Variants in VAV3 observed in about 807,000 individuals in gnomAD.
VAV3 encodes vav guanine nucleotide exchange factor 3, also known as guanine nucleotide exchange factor VAV3.
VAV3 carries 94 observed loss-of-function variants against 131.2 expected under a neutral mutation model. The observed-to-expected ratio is 0.72, with a 90% CI of 0.61 to 0.85. The LOEUF (loss-of-function observed/expected upper bound fraction) is 0.85. VAV3 is among the 40% of genes least tolerant of loss of function. The probability of loss-of-function intolerance (pLI) is 0.00; values close to 1 mark genes in which losing one functional copy is unlikely to be tolerated. For missense variants in VAV3, 939 were observed against 1,002.7 expected, an observed-to-expected ratio of 0.94 and a Z score of 0.86; for synonymous variants, 349 against 342.0, an observed-to-expected ratio of 1.02 and a Z score of -0.22.
intron 19 of VAV3, among the ~76,000 whole-genome samples, chr1:107,680,128 ACT>A (rs1367176139): frequency 6.6e-6 from 1 of 152,006 alleles, no homozygotes; most frequent in Non-Finnish European, 1.5e-5. Flanking sequence ...CCTACAGTTC[ACT>A]CTTTCTTGGA....
At chr1:107,590,389 A>T (rs1367273792) in intron 25 of VAV3, among the ~76,000 whole-genome samples, 1 of 152,196 alleles carries the variant, frequency 6.6e-6, no homozygotes, top group Non-Finnish European at 1.5e-5. Context: ...ATTGAGAATG[A>T]CAAGCAAAGG....
chr1:107,697,901 C>T (rs1659846171), intron 17 of VAV3, among the ~76,000 whole-genome samples: 1 of 152,184 alleles, frequency 6.6e-6, no homozygotes, highest in Non-Finnish European at 1.5e-5. Context: ...GAAAGGCAAG[C>T]ACATGATTAC....
chr1:107,866,996 A>G lies in VAV3; in HGVS notation c.321+7905T>C, dbSNP rs561036492. ...AATTGTGTGATACCTAAATAGCATG[A>G]TATCTAAATACCTAATATCATGTGC... is the stretch of plus-strand genomic sequence containing the variant. On this transcript the variant is annotated intron_variant, in intron 2 of 26. Transcript: ENST00000370056. Among the ~76,000 whole-genome samples, 6 of 152,288 alleles carry G rather than the reference A, an allele frequency of 3.9e-5. 1 individual carries two copies. The highest frequency in any genetic ancestry group is 1.2e-4 in the African/African-American group (5 of 41,572).
chr1:107,944,940 G>C (rs1373206025), intron 1 of VAV3, among the ~76,000 whole-genome samples: 1 of 152,184 alleles, frequency 6.6e-6, no homozygotes, highest in Non-Finnish European at 1.5e-5. Context: ...GAAGTTAAGA[G>C]TGTAATATGA....
chr1:107,891,834 G>A (rs897626850), intron 1 of VAV3, among the ~76,000 whole-genome samples: 8 of 98,588 alleles, frequency 8.1e-5, no homozygotes, highest in Admixed American at 5.8e-4. Flanking sequence ...GCAAGACTCC[G>A]TCTCAAAAAA....
intron 19 of VAV3, among the ~76,000 whole-genome samples, chr1:107,667,584 G>A (rs1657501267): frequency 6.6e-6 from 1 of 151,990 alleles, no homozygotes; most frequent in Admixed American, 6.6e-5. Flanking sequence ...GATGGTTTAT[G>A]TTAGGATTAT....
chr1:107,757,864 CCT>C (rs1175225514), intron 10 of VAV3, among the ~76,000 whole-genome samples: 3 of 151,938 alleles, frequency 2.0e-5, no homozygotes, highest in Non-Finnish European at 4.4e-5. Context: ...TCTTTTTTCC[CCT>C]GATTTTACAT....
In VAV3 at chr1:107,592,980, A is replaced by T. The variant is rs139061647; in HGVS notation, c.2350+3232T>A. ...ATGGAGTCACTGAAGTTTCTAGAGG[A>T]AGCCCAAGAGCTCCCTGCTATGCCT... On this transcript the variant is annotated intron_variant, in intron 25 of 26. Transcript: ENST00000370056. 9.8e-4 allele frequency among the ~76,000 whole-genome samples: 149 copies of T among 152,226 alleles called. 2 individuals carry two copies. The East Asian group carries it at 0.026, about 27-fold the overall frequency.
chr1:107,901,330 G>A (rs1009116034), intron 1 of VAV3, among the ~76,000 whole-genome samples: 5 of 152,108 alleles, frequency 3.3e-5, no homozygotes, highest in Admixed American at 1.3e-4. Context: ...GACACTGCAG[G>A]ATATTTTAAA....
At chr1:107,922,090 G>C (rs1167174798) in intron 1 of VAV3, among the ~76,000 whole-genome samples, 1 of 152,146 alleles carries the variant, frequency 6.6e-6, no homozygotes, top group Admixed American at 6.5e-5. Context: ...TGTCAAAACT[G>C]TATTCAGGAA....
At chr1:107,657,624 CA>C in intron 19 of VAV3, among the ~76,000 whole-genome samples, 1 of 152,158 alleles carries the variant, frequency 6.6e-6, no homozygotes, top group South Asian at 2.1e-4. Context: ...TCTGATCTAG[CA>C]TGACACTACC....
At chr1:107,720,555 A>G (rs1661435233) in intron 15 of VAV3, among the ~76,000 whole-genome samples, 1 of 151,206 alleles carries the variant, frequency 6.6e-6, no homozygotes, top group Admixed American at 6.6e-5. Flanking sequence ...GCGCATGCCT[A>G]TAATCCCAGC....
chr1:107,773,128 C>T (rs1027449364), intron 4 of VAV3, among the ~76,000 whole-genome samples: 1 of 152,172 alleles, frequency 6.6e-6, no homozygotes, highest in Admixed American at 6.5e-5. Context: ...ATTCATCCAA[C>T]ATTAATGATC....
intron 19 of VAV3, chr1:107,669,227 A>G: frequency 8.4e-7 from 1 of 1,186,152 alleles, no homozygotes; most frequent in African/African-American, 1.6e-5. Context: ...GAATTAAAAC[A>G]TGAAGTAATC....
intron 2 of VAV3, among the ~76,000 whole-genome samples, chr1:107,835,783 T>TC (rs1668452109): frequency 6.6e-6 from 1 of 151,940 alleles, no homozygotes; most frequent in African/African-American, 2.4e-5. Flanking sequence ...TGCCCAAAGA[T>TC]CCCCCACCCT....
At chr1:107,822,796 AG>A (rs1667857014) in intron 2 of VAV3, among the ~76,000 whole-genome samples, 1 of 152,226 alleles carries the variant, frequency 6.6e-6, no homozygotes, top group Non-Finnish European at 1.5e-5. Flanking sequence ...GTAGCAAAAG[AG>A]GTTCATTCCT....
chr1:107,669,238 C>T (rs911555797), intron 19 of VAV3: 2 of 1,215,720 alleles, frequency 1.6e-6, no homozygotes, highest in Non-Finnish European at 2.1e-6. Flanking sequence ...TGAAGTAATC[C>T]TTACTAAGTG....
intron 7 of VAV3, among the ~76,000 whole-genome samples, chr1:107,766,855 C>T (rs1380316800): frequency 1.3e-5 from 2 of 151,818 alleles, no homozygotes; most frequent in East Asian, 1.9e-4. Context: ...GAGAAGGAGA[C>T]AGGCCATGCA....
chr1:107,809,143 A>T (rs1261671270), intron 2 of VAV3, among the ~76,000 whole-genome samples: 2 of 152,140 alleles, frequency 1.3e-5, no homozygotes, highest in African/African-American at 2.4e-5. Flanking sequence ...AGAGATTTTT[A>T]TGTTATTCTT....
Sources: gnomAD v4.1 joint callset for allele counts (sites outside exome capture counted in the v4.1 genomes callset) on GRCh38, gnomAD v4.1.1 for gene constraint, MANE v1.5 for transcripts, NCBI Gene and HGNC (gene_info 2026-07-23, HGNC 2026-07-21) for gene names.